Variants in SRP9 observed in about 807,000 individuals in gnomAD.
The protein encoded by SRP9 is signal recognition particle 9 kDa protein.
Under a neutral mutation model 11.7 loss-of-function variants are expected in SRP9, and 2 were observed. The ratio of observed to expected loss-of-function variants is 0.17; its 90% confidence interval spans 0.07 to 0.54. SRP9 has a LOEUF of 0.54. SRP9 is among the 20% of genes least tolerant of loss of function. The pLI is 0.94. For missense variants in SRP9, 54 were observed against 108.1 expected (o/e 0.50, Z 2.22); for synonymous variants, 27 against 35.6 (o/e 0.76, Z 0.86).
At chr1:225,784,226 G>A (rs1302101488) in intron 2 of SRP9, among the ~76,000 whole-genome samples, 1 of 42,558 alleles carries the variant, frequency 2.3e-5, no homozygotes, top group Non-Finnish European at 4.5e-5. Flanking sequence ...TTTATCACCT[G>A]TTCTTTTTTT....
intron 2 of SRP9, chr1:225,786,949 C>A: frequency 6.9e-6 from 4 of 577,446 alleles, no homozygotes; most frequent in Non-Finnish European, 1.1e-5. Flanking sequence ...CTCAAGCGGT[C>A]CTCTTGCTTC....
intron 1 of SRP9, among the ~76,000 whole-genome samples, chr1:225,780,823 A>C (rs989040775): frequency 6.6e-6 from 1 of 152,234 alleles, no homozygotes; most frequent in Non-Finnish European, 1.5e-5. Flanking sequence ...GTATTGCTGT[A>C]ATTGAAGATG....
chr1:225,786,845 CTTTTTT>C, intron 2 of SRP9: 1 of 1,132,356 alleles, frequency 8.8e-7, no homozygotes, highest in Non-Finnish European at 1.2e-6. Flanking sequence ...TGGTTGATTG[CTTTTTT>C]TTTTTTTTAG....
chr1:225,785,407 G>A (rs910133390), intron 2 of SRP9, among the ~76,000 whole-genome samples: 1 of 150,960 alleles, frequency 6.6e-6, no homozygotes, highest in African/African-American at 2.4e-5. Context: ...TTGTTTGATG[G>A]AGTCTCGCTC....
intron 2 of SRP9, chr1:225,786,868 T>C: frequency 8.3e-7 from 1 of 1,207,780 alleles, no homozygotes; most frequent in South Asian, 1.3e-5. Context: ...TTAGAGACAG[T>C]GTCTTGCTCT....
At chr1:225,788,276 T>G (rs1488520053) in intron 2 of SRP9, among the ~76,000 whole-genome samples, 5 of 152,074 alleles carry the variant, frequency 3.3e-5, no homozygotes, top group Admixed American at 3.3e-4. Flanking sequence ...GTGCCTGTAG[T>G]CCCAGCTACT....
intron 2 of SRP9, among the ~76,000 whole-genome samples, chr1:225,787,454 G>A (rs1559006568): frequency 6.6e-6 from 1 of 151,948 alleles, no homozygotes; most frequent in South Asian, 2.1e-4. Context: ...CTTGAACCTG[G>A]GACTGGGAGG....
At chr1:225,787,407 A>G (rs954669341) in intron 2 of SRP9, among the ~76,000 whole-genome samples, 2 of 152,094 alleles carry the variant, frequency 1.3e-5, no homozygotes, top group African/African-American at 2.4e-5. Context: ...GGGTGCCTGT[A>G]ATCTCAGCTA....
rs11315558 is a variant in SRP9, at chr1:225,781,395, C to CTTTT, written c.73-1887_73-1884dup. 2.9e-3 allele frequency among the ~76,000 whole-genome samples: 254 copies of CTTTT among 87,734 alleles called. 2 individuals carry two copies. The highest frequency in any genetic ancestry group is 0.021 in the East Asian group (54 of 2,546). 57.6% of individuals were successfully genotyped at this position (87,734 alleles called of 152,430 possible). ...GATTGGCCTTTTTTCTTTTCTTTTTCTTTTTTTTTTTTTTTTTTTTTGAGA... is the reference window on the plus strand; with the variant it reads ...GATTGGCCTTTTTTCTTTTCTTTTTCTTTTTTTTTTTTTTTTTTTTTTTTTGAGA... On this transcript the variant is annotated intron_variant, in intron 1 of 2. Coordinates refer to ENST00000304786, the MANE Select transcript of SRP9 (RefSeq NM_003133.6).
At chr1:225,778,714 A>T (rs953774134) in intron 1 of SRP9, among the ~76,000 whole-genome samples, 1 of 152,238 alleles carries the variant, frequency 6.6e-6, no homozygotes, top group Non-Finnish European at 1.5e-5. Context: ...GGAGTTTAGC[A>T]TTCGGGTCTT....
intron 1 of SRP9, among the ~76,000 whole-genome samples, chr1:225,782,094 T>C (rs1473531491): frequency 2.0e-5 from 3 of 152,148 alleles, no homozygotes; most frequent in Non-Finnish European, 2.9e-5. Flanking sequence ...TGGTGCTAGA[T>C]TGTAACCATT....
chr1:225,785,977 C>T (rs12045030), intron 2 of SRP9, among the ~76,000 whole-genome samples: 3 of 152,132 alleles, frequency 2.0e-5, no homozygotes, highest in African/African-American at 4.8e-5. Context: ...TGATCCACCA[C>T]GCCCAGCCCC....
At chr1:225,784,246 T>C (rs1277354100) in intron 2 of SRP9, among the ~76,000 whole-genome samples, 6 of 114,320 alleles carry the variant, frequency 5.2e-5, no homozygotes, top group Middle Eastern at 3.7e-3. Context: ...TTTTTTTTTT[T>C]TTTTTTTTTT....
At chr1:225,784,229 CTTTTTTTTTTTTTTTTTTTTTTTT>C (rs561503475) in intron 2 of SRP9, among the ~76,000 whole-genome samples, 4 of 34,420 alleles carry the variant, frequency 1.2e-4, no homozygotes, top group African/African-American at 2.7e-4. Flanking sequence ...ATCACCTGTT[CTTTTTTTTTTTTTTTTTTTTTTTT>C]TTTTTTTTTT....
chr1:225,781,902 A>G (rs1476932497), intron 1 of SRP9, among the ~76,000 whole-genome samples: 4 of 152,182 alleles, frequency 2.6e-5, no homozygotes, highest in African/African-American at 7.2e-5. Flanking sequence ...CCTAGTTACT[A>G]CTATTTATAC....
intron 2 of SRP9, chr1:225,788,938 T>C: frequency 6.9e-7 from 1 of 1,444,338 alleles, no homozygotes; most frequent in Non-Finnish European, 9.3e-7. Flanking sequence ...TATCTAATTC[T>C]AAGTCTTGAG....
intron 1 of SRP9, among the ~76,000 whole-genome samples, chr1:225,781,775 G>A (rs1251457682): frequency 1.3e-5 from 2 of 152,028 alleles, no homozygotes; most frequent in Non-Finnish European, 2.9e-5. Context: ...ACTTCACATA[G>A]TTGTCATGCT....
intron 2 of SRP9, among the ~76,000 whole-genome samples, chr1:225,788,463 CTGGAGTGCAG>C (rs1665960054): frequency 6.8e-6 from 1 of 146,930 alleles, no homozygotes; most frequent in Non-Finnish European, 1.5e-5. Flanking sequence ...GTCGCCCAGG[CTGGAGTGCAG>C]TGGCATGATC....
Position 225,789,831 on chromosome 1 carries a change from G to C in SRP9, c.*472G>C. ...TAATTGGAATTAACTCCACACCATA[G>C]TATGCATTGTTATACATACTGTGTA... is the stretch of plus-strand genomic sequence containing the variant. On this transcript the variant is annotated 3_prime_UTR_variant, in exon 3 of 3. Transcript: ENST00000304786. 6.2e-6 allele frequency: 1 copy of C among 162,324 alleles called. No homozygotes were observed. The highest frequency in any genetic ancestry group is 1.4e-5 in the Non-Finnish European group (1 of 73,560). The allele number at this position is 162,324 out of a possible 1,614,324, so 10.1% of individuals were successfully genotyped here. A position where few individuals can be genotyped will look rare whatever the true frequency, so the allele number is the denominator to read the frequency against.
Sources: gnomAD v4.1 joint callset for allele counts (sites outside exome capture counted in the v4.1 genomes callset) on GRCh38, gnomAD v4.1.1 for gene constraint, MANE v1.5 for transcripts, NCBI Gene and HGNC (gene_info 2026-07-23, HGNC 2026-07-21) for gene names.